Variants in BACE1 observed in about 807,000 individuals in gnomAD.
The protein encoded by BACE1 is beta-secretase 1.
BACE1 carries 21 observed loss-of-function variants against 54.0 expected under a neutral mutation model. That is an observed-to-expected ratio of 0.39 (90% CI 0.28 to 0.56). The LOEUF (loss-of-function observed/expected upper bound fraction) is 0.56, where lower values mean the gene tolerates loss of function less well. Among genes scored for constraint, BACE1 ranks in the 20% least tolerant of loss-of-function variants. The pLI is 0.63. For synonymous variants in BACE1, 232 were observed against 260.9 expected, an observed-to-expected ratio of 0.89 and a Z score of 1.07; for missense variants, 511 against 661.2, an observed-to-expected ratio of 0.77 and a Z score of 2.49.
chr11:117,295,306 G>T lies in BACE1; in HGVS notation c.392C>A (p.Pro131His). ...YRDLRKGVYV[P>H]YTQGKWEGEL... Reference sequence around the variant, plus strand: ...CCCTTCCCACTTGCCCTGGGTGTAGGGCACATACACACCCTTCCGGAGGTC... The same window carrying T: ...CCCTTCCCACTTGCCCTGGGTGTAGTGCACATACACACCCTTCCGGAGGTC... The change falls in exon 3 of 9, where the codon CCC becomes CAC. Residue 131 changes from proline (P) to histidine (H), a missense_variant. Physicochemically the swap from Pro to His is moderately conservative, Grantham distance 77. Transcript: ENST00000313005. The T allele has an allele frequency of 6.2e-7, 1 of 1,614,124 alleles. No individual in the cohort carries two copies. The highest frequency in any genetic ancestry group is 8.5e-7 in the Non-Finnish European group (1 of 1,180,020).
At chr11:117,294,079 C>T in intron 3 of BACE1, 71 bp from the exon 4 acceptor site, 1 of 1,534,654 alleles carries the variant, frequency 6.5e-7, no homozygotes, top group South Asian at 1.2e-5. Flanking sequence ...CCTGTCTAAA[C>T]TGGAAGGCAA....
At chr11:117,308,335 T>C (rs2034875746) in intron 1 of BACE1, among the ~76,000 whole-genome samples, 1 of 152,200 alleles carries the variant, frequency 6.6e-6, no homozygotes, top group South Asian at 2.1e-4. Flanking sequence ...AACAAGTCTA[T>C]TTTTTAACTT....
At chr11:117,312,641 T>C (rs931395474) in intron 1 of BACE1, among the ~76,000 whole-genome samples, 1 of 152,136 alleles carries the variant, frequency 6.6e-6, no homozygotes, top group Non-Finnish European at 1.5e-5. Flanking sequence ...TTTTGCATTT[T>C]TCGTAGAGAT....
chr11:117,305,498 G>A lies in BACE1; in HGVS notation c.262-8537C>T, dbSNP rs569139551. On this transcript the variant is annotated intron_variant, in intron 1 of 8. Coordinates refer to ENST00000313005, the MANE Select transcript of BACE1 (RefSeq NM_012104.6). ...TGTAGCTGGCCATTGGTACCTGGGAGCAAGCAGGCTCCCTGGCGCCACTTA... is the reference window on the plus strand; with the variant it reads ...TGTAGCTGGCCATTGGTACCTGGGAACAAGCAGGCTCCCTGGCGCCACTTA... 2.0e-5 allele frequency among the ~76,000 whole-genome samples: 3 copies of A among 152,094 alleles called. No individual in the cohort carries two copies. The East Asian group carries it at 5.8e-4, about 29-fold the overall frequency.
At chr11:117,295,053 C>A in intron 3 of BACE1, 78 bp downstream of exon 3, 1 of 1,384,332 alleles carries the variant, frequency 7.2e-7, no homozygotes, top group Non-Finnish European at 1.0e-6. Flanking sequence ...TCTGCTAATT[C>A]CCCTTCTCTC....
rs1399945649 is a variant in BACE1 at position 117,295,072 on chromosome 11, C to A, written c.567+59G>T. ...CTAATTCCCCTTCTCTCTCCTAATT[C>A]CTTCTCTGTATAGTGCAGTGTGCAT... On this transcript the variant is annotated intron_variant, in intron 3 of 8. Coordinates refer to ENST00000313005, the MANE Select transcript of BACE1 (RefSeq NM_012104.6). The A allele has an allele frequency of 5.4e-6, 8 of 1,484,092 alleles. No homozygotes were observed. The Admixed American group carries it at 1.3e-4, about 25-fold the overall frequency. The allele number at this position is 1,484,092 out of a possible 1,614,324, so 91.9% of individuals were successfully genotyped here.
intron 5 of BACE1, chr11:117,292,751 G>A (rs2034479300): frequency 1.2e-5 from 3 of 242,594 alleles, no homozygotes; most frequent in Non-Finnish European, 2.4e-5. Context: ...CCAAAGACAA[G>A]ACTCTTCATT....
At chr11:117,298,307 AAAAG>A (rs1490676521) in intron 1 of BACE1, among the ~76,000 whole-genome samples, 72 of 150,710 alleles carry the variant, frequency 4.8e-4, no homozygotes, top group African/African-American at 1.7e-3. Flanking sequence ...CTCAAAAAAA[AAAAG>A]AAAAGAAAAG....
At chr11:117,310,224 A>G (rs1179687478) in intron 1 of BACE1, among the ~76,000 whole-genome samples, 1 of 151,790 alleles carries the variant, frequency 6.6e-6, no homozygotes. Flanking sequence ...CGTTTAAAAG[A>G]ATAAAAATAC....
chr11:117,294,404 A>G, intron 3 of BACE1: 1 of 155,702 alleles, frequency 6.4e-6, no homozygotes, highest in Middle Eastern at 3.3e-3. Flanking sequence ...TTCAGTAGAG[A>G]TGGGGTAGAT....
chr11:117,298,841 T>C (rs1200208465), intron 1 of BACE1, among the ~76,000 whole-genome samples: 2 of 152,202 alleles, frequency 1.3e-5, no homozygotes, highest in Non-Finnish European at 2.9e-5. Context: ...GTTTCGCTCT[T>C]GTTACCCAGG....
At chr11:117,294,742 G>A (rs1467580935) in intron 3 of BACE1, among the ~76,000 whole-genome samples, 7 of 151,862 alleles carry the variant, frequency 4.6e-5, no homozygotes, top group East Asian at 3.9e-4. Context: ...AAAATTAGCC[G>A]GGCGTCATGG....
intron 1 of BACE1, among the ~76,000 whole-genome samples, chr11:117,305,807 G>A (rs1206720905): frequency 6.6e-6 from 1 of 151,928 alleles, no homozygotes; most frequent in African/African-American, 2.4e-5. Context: ...AGGCCGAGGC[G>A]GACGGATCAC....
In BACE1 at chr11:117,289,601, C is replaced by G. The variant is rs763407383; in HGVS notation, c.1471G>C (p.Asp491His). 1.9e-5 allele frequency: 31 copies of G among 1,614,066 alleles called. No homozygotes were observed. Among genetic ancestry groups the G allele is most frequent in the Non-Finnish European group, 2.5e-5 (29 of 1,180,050 alleles). Reference protein sequence around the residue: ...RCLRCLRQQHDDFADDISLLK With the variant: ...RCLRCLRQQHHDFADDISLLK ...AGGGAGATGTCATCAGCAAAGTCAT[C>G]ATGCTGCTGGCGCAGGCAGCGGAGG... The change falls in exon 9 of 9, where the codon GAT becomes CAT. Residue 491 changes from aspartate (D) to histidine (H), a missense_variant. This residue lies in a region of BACE1 where 407 missense variants were observed against 565.7 expected (regional missense o/e 0.72). Coordinates refer to ENST00000313005, the MANE Select transcript of BACE1 (RefSeq NM_012104.6).
Position 117,316,256 on chromosome 11 carries a change from T to C in BACE1, c.-461A>G, listed in dbSNP as rs954741612. 37 of 442,848 alleles carry C rather than the reference T, an allele frequency of 8.4e-5. No individual in the cohort carries two copies. Among genetic ancestry groups the C allele is most frequent in the Non-Finnish European group, 1.3e-4 (31 of 247,156 alleles). The allele number at this position is 442,848 out of a possible 1,614,324, so 27.4% of individuals were successfully genotyped here. On this transcript the variant is annotated 5_prime_UTR_variant, in exon 1 of 9. Transcript: ENST00000313005. ...CGGGCTGGGGAGGCGGAAAGACTTG[T>C]GGCGGCGGCTGTCAAAGCCAAAAGG...
In BACE1 at chr11:117,286,515, G is replaced by A. The variant is rs1478045117; in HGVS notation, c.*3051C>T. 6.6e-6 allele frequency: 1 copy of A among 152,562 alleles called. No individual in the cohort carries two copies. Among genetic ancestry groups the A allele is most frequent in the Non-Finnish European group, 1.5e-5 (1 of 68,034 alleles). 9.5% of individuals were successfully genotyped at this position (152,562 alleles called of 1,614,324 possible). Reference sequence around the variant, plus strand: ...GGACATTATTATATTACCAATAGCTGATTTTTTTTTCCATTCTGGGACCTA... The same window carrying A: ...GGACATTATTATATTACCAATAGCTAATTTTTTTTTCCATTCTGGGACCTA... On this transcript the variant is annotated 3_prime_UTR_variant, in exon 9 of 9. Coordinates refer to ENST00000313005, the MANE Select transcript of BACE1 (RefSeq NM_012104.6).
intron 2 of BACE1, among the ~76,000 whole-genome samples, chr11:117,296,507 G>A (rs1243731855): frequency 6.6e-6 from 1 of 152,172 alleles, no homozygotes; most frequent in African/African-American, 2.4e-5. Context: ...GCTGGTGTTA[G>A]AGAACTGAGA....
At position 117,293,753 on chromosome 11, in the gene BACE1, G is replaced by C; in HGVS notation, c.705+118C>G. 9.2e-7 allele frequency: 1 copy of C among 1,091,370 alleles called. No individual in the cohort carries two copies. The highest frequency in any genetic ancestry group is 1.3e-6 in the Non-Finnish European group (1 of 788,300). The allele number at this position is 1,091,370 out of a possible 1,614,324, so 67.6% of individuals were successfully genotyped here. ...AAGTAAGGGTAGGGAATATAAAGAG[G>C]TTCCTCCTGATTCTAAGTATCGGAG... is the stretch of plus-strand genomic sequence containing the variant. On this transcript the variant is annotated intron_variant, in intron 4 of 8. Coordinates refer to ENST00000313005, the MANE Select transcript of BACE1 (RefSeq NM_012104.6). This position sits in a 1 kb window ranked among gnomAD's most constrained non-coding sequence, Gnocchi z 4.1.
chr11:117,291,689 A>C, intron 6 of BACE1, 23 bp downstream of exon 6: 1 of 1,546,296 alleles, frequency 6.5e-7, no homozygotes, highest in Non-Finnish European at 8.9e-7. Flanking sequence ...CATCTCTTTT[A>C]CCCCCATCCT....
Sources: allele counts gnomAD v4.1 joint callset (sites outside exome capture counted in the v4.1 genomes callset), GRCh38; gene constraint gnomAD v4.1.1; regional missense constraint gnomAD v4.1.1; non-coding constraint Gnocchi (gnomAD v3.1); transcripts MANE v1.5; gene names NCBI Gene and HGNC (gene_info 2026-07-23, HGNC 2026-07-21).